The following GHR variants were observed in gnomAD, a reference collection of about 807,000 sequenced individuals.
GHR encodes growth hormone receptor.
A neutral mutation model predicts 67.1 loss-of-function variants in GHR; 35 were observed. That is an observed-to-expected ratio of 0.52 (90% CI 0.40 to 0.69). The LOEUF (loss-of-function observed/expected upper bound fraction) is 0.69. Among genes scored for constraint, GHR ranks in the 30% least tolerant of loss-of-function variants. The pLI is 0.00. For missense variants in GHR, 792 were observed against 764.6 expected, an observed-to-expected ratio of 1.04 and a Z score of -0.42; for synonymous variants, 272 against 269.1, an observed-to-expected ratio of 1.01 and a Z score of -0.10.
At chr5:42,530,767 A>T (rs1388461383) in intron 1 of GHR, among the ~76,000 whole-genome samples, 3 of 152,146 alleles carry the variant, frequency 2.0e-5, no homozygotes. Context: ...TAAGGCACTT[A>T]TTCTCTTGTT....
At chr5:42,550,921 T>C (rs933452459) in intron 1 of GHR, among the ~76,000 whole-genome samples, 1 of 152,200 alleles carries the variant, frequency 6.6e-6, no homozygotes, top group African/African-American at 2.4e-5. Flanking sequence ...GCCCAAAGCC[T>C]GAGGCTCAAC....
Position 42,711,226 on chromosome 5 carries a change from C to T in GHR, c.638C>T (p.Thr213Ile), listed in dbSNP as rs775583085. Residue 213 changes from threonine (T) to isoleucine (I), a missense_variant, in exon 7 of 10, where the codon ACA (threonine) becomes ATA (isoleucine). Physicochemically the swap from Thr to Ile is moderately conservative, Grantham distance 89. Transcript: ENST00000230882. ...KWKMMDPILTTSVPVYSLKVD... is the reference protein window; with the variant it reads ...KWKMMDPILTISVPVYSLKVD... ...TGAAAGATGGACCCTATATTGACAA[C>T]ATCAGTTCCAGTGTACTCATTGAAA... The T allele has an allele frequency of 7.4e-6, 12 of 1,613,114 alleles. No individual in the cohort carries two copies. In the African/African-American group the frequency reaches 1.5e-4, roughly 20 times the overall value.
chr5:42,474,313 G>GAAAGAAAGAAAGAAAGAA (rs1554054611), intron 1 of GHR, among the ~76,000 whole-genome samples: 9 of 138,354 alleles, frequency 6.5e-5, no homozygotes, highest in Non-Finnish European at 1.1e-4. Flanking sequence ...AAGAAAGAAA[G>GAAAGAAAGAAAGAAAGAA]AAAGAAAGAA....
intron 1 of GHR, among the ~76,000 whole-genome samples, chr5:42,488,286 C>G (rs1425681548): frequency 6.6e-6 from 1 of 152,070 alleles, no homozygotes; most frequent in Non-Finnish European, 1.5e-5. Flanking sequence ...AATTTTCATT[C>G]CCCTTTTATA....
chr5:42,498,354 G>A (rs1746405075), intron 1 of GHR, among the ~76,000 whole-genome samples: 1 of 152,174 alleles, frequency 6.6e-6, no homozygotes, highest in Admixed American at 6.5e-5. Context: ...GGGTAAAAGG[G>A]AGAAAGGGAT....
intron 3 of GHR, among the ~76,000 whole-genome samples, chr5:42,668,304 T>G (rs1314732405): frequency 6.6e-6 from 1 of 152,188 alleles, no homozygotes; most frequent in Non-Finnish European, 1.5e-5. Flanking sequence ...ATTTTGTAAT[T>G]TAGTGATTTT....
chr5:42,713,087 C>CT, intron 7 of GHR, among the ~76,000 whole-genome samples: 1 of 151,958 alleles, frequency 6.6e-6, no homozygotes, highest in Non-Finnish European at 1.5e-5. Context: ...ATAAGCAACA[C>CT]TTTTTTACTG....
At chr5:42,517,494 A>G (rs866287957) in intron 1 of GHR, among the ~76,000 whole-genome samples, 1 of 152,238 alleles carries the variant, frequency 6.6e-6, no homozygotes, top group South Asian at 2.1e-4. Context: ...TGGAAAAAAT[A>G]TAAGTCAAAA....
intron 2 of GHR, among the ~76,000 whole-genome samples, chr5:42,566,892 G>A (rs944685128): frequency 1.3e-5 from 2 of 152,130 alleles, no homozygotes; most frequent in African/African-American, 2.4e-5. Context: ...AAATAAATCC[G>A]TAGTAGTGAG....
chr5:42,481,650 T>C (rs138637030), intron 1 of GHR, among the ~76,000 whole-genome samples: 188 of 152,352 alleles, frequency 1.2e-3, no homozygotes, highest in African/African-American at 4.1e-3. Context: ...CCATCACTGA[T>C]ACCCTTTCTT....
intron 1 of GHR, among the ~76,000 whole-genome samples, chr5:42,534,366 GTA>G (rs1748147851): frequency 1.5e-5 from 2 of 137,420 alleles, no homozygotes; most frequent in African/African-American, 5.3e-5. Flanking sequence ...ATGTACATGT[GTA>G]TATGTGTATA....
intron 1 of GHR, among the ~76,000 whole-genome samples, chr5:42,456,045 G>A (rs1268197615): frequency 6.6e-6 from 1 of 152,196 alleles, no homozygotes; most frequent in Admixed American, 6.5e-5. Flanking sequence ...ACACACAATG[G>A]CTTACGCCTG....
chr5:42,700,075 ACTTTCCTTT>A, intron 6 of GHR, 73 bp downstream of exon 6: 2 of 930,284 alleles, frequency 2.1e-6, no homozygotes, highest in Non-Finnish European at 3.5e-6. Flanking sequence ...TTATCATTAG[ACTTTCCTTT>A]GACCTAATAC....
At chr5:42,516,485 A>G (rs529235380) in intron 1 of GHR, among the ~76,000 whole-genome samples, 34 of 152,172 alleles carry the variant, frequency 2.2e-4, no homozygotes, top group African/African-American at 8.2e-4. Flanking sequence ...CTTTTGCAAC[A>G]TGACATGATT....
At chr5:42,443,467 T>G (rs1743668587) in intron 1 of GHR, among the ~76,000 whole-genome samples, 1 of 152,160 alleles carries the variant, frequency 6.6e-6, no homozygotes, top group Non-Finnish European at 1.5e-5. Context: ...CTGTTGCCCT[T>G]GTCTGTCATT....
At chr5:42,641,834 G>T (rs1372653394) in intron 3 of GHR, among the ~76,000 whole-genome samples, 2 of 152,122 alleles carry the variant, frequency 1.3e-5, no homozygotes, top group East Asian at 1.9e-4. Context: ...CAGAAAACCA[G>T]AGGAATATAC....
At chr5:42,570,099 T>G (rs1010313249) in intron 2 of GHR, among the ~76,000 whole-genome samples, 1 of 152,166 alleles carries the variant, frequency 6.6e-6, no homozygotes, top group Non-Finnish European at 1.5e-5. Flanking sequence ...TGAGAGGATG[T>G]CAAGACATGT....
At chr5:42,455,155 G>A (rs750319095) in intron 1 of GHR, among the ~76,000 whole-genome samples, 42 of 152,058 alleles carry the variant, frequency 2.8e-4, no homozygotes, top group Non-Finnish European at 5.1e-4. Flanking sequence ...CTCATGATCT[G>A]GATTTTCAGA....
intron 3 of GHR, among the ~76,000 whole-genome samples, chr5:42,641,293 T>A (rs910836271): frequency 5.9e-5 from 9 of 152,172 alleles, no homozygotes; most frequent in African/African-American, 2.2e-4. Flanking sequence ...TAACACTTAC[T>A]GCCTGGATGA....
Sources: gnomAD v4.1 joint callset for allele counts (sites outside exome capture counted in the v4.1 genomes callset) on GRCh38, gnomAD v4.1.1 for gene constraint, MANE v1.5 for transcripts, NCBI Gene and HGNC (gene_info 2026-07-23, HGNC 2026-07-21) for gene names.